The following FGGY variants were observed in gnomAD, a reference collection of about 807,000 sequenced individuals.
The protein encoded by FGGY is FGGY carbohydrate kinase domain-containing protein.
Under a neutral mutation model 71.3 loss-of-function variants are expected in FGGY, and 72 were observed. The ratio of observed to expected loss-of-function variants is 1.01; its 90% CI spans 0.84 to 1.23. FGGY has a LOEUF of 1.23. FGGY is among the 50% of genes most tolerant of loss of function. The pLI is 0.00. For synonymous variants in FGGY, 251 were observed against 250.3 expected (o/e 1.00, Z -0.02); for missense variants, 668 against 682.3 (o/e 0.98, Z 0.23).
intron 8 of FGGY, among the ~76,000 whole-genome samples, chr1:59,593,400 C>T (rs2096481568): frequency 6.6e-6 from 1 of 152,202 alleles, no homozygotes; most frequent in South Asian, 2.1e-4. Context: ...CCCTTCCACT[C>T]AGAGGTCTGA....
chr1:59,296,835 G>T (rs1201727150), upstream of FGGY: 1 of 152,476 alleles, frequency 6.6e-6, no homozygotes, highest in African/African-American at 2.4e-5. Context: ...CCCTGCTCAG[G>T]CGCCGTGGGG....
rs185522906 is a variant in FGGY, at chr1:59,325,306, G to A, written c.201+3556G>A. ...TGGGAGGCGGAGCTTGCAGTGAGCC[G>A]AGATTGCGCCATTGCACTCCAGCCT... is the stretch of plus-strand genomic sequence containing the variant. On this transcript the variant is annotated intron_variant, in intron 2 of 15. Transcript: ENST00000303721. Among the ~76,000 whole-genome samples, 350 of 152,246 alleles carry A rather than the reference G, an allele frequency of 2.3e-3. 2 individuals carry two copies. The highest frequency in any genetic ancestry group is 8.1e-3 in the African/African-American group (338 of 41,552).
At chr1:59,612,552 G>A (rs1011766644) in intron 9 of FGGY, among the ~76,000 whole-genome samples, 26 of 152,174 alleles carry the variant, frequency 1.7e-4, no homozygotes, top group Non-Finnish European at 2.9e-4. Flanking sequence ...ATGCCAAATT[G>A]TAAAGACCAT....
intron 7 of FGGY, among the ~76,000 whole-genome samples, chr1:59,521,426 G>A (rs1373319697): frequency 6.6e-6 from 1 of 152,170 alleles, no homozygotes; most frequent in Non-Finnish European, 1.5e-5. Context: ...CTCTGTGGAA[G>A]AAAACCGAGA....
intron 4 of FGGY, among the ~76,000 whole-genome samples, chr1:59,365,705 A>G (rs2056463725): frequency 6.6e-6 from 1 of 152,198 alleles, no homozygotes; most frequent in East Asian, 1.9e-4. Flanking sequence ...CTGCAAGCAT[A>G]GTTTTCTGAC....
At chr1:59,454,557 A>G (rs2091497408) in intron 5 of FGGY, among the ~76,000 whole-genome samples, 1 of 152,204 alleles carries the variant, frequency 6.6e-6, no homozygotes, top group South Asian at 2.1e-4. Context: ...ATCATTAATG[A>G]TAAGTGACAT....
intron 4 of FGGY, among the ~76,000 whole-genome samples, chr1:59,367,337 G>A (rs922260398): frequency 6.6e-6 from 1 of 152,278 alleles, no homozygotes; most frequent in Non-Finnish European, 1.5e-5. Context: ...TGAAGATTAC[G>A]TCTCTTCCTG....
intron 1 of FGGY, among the ~76,000 whole-genome samples, chr1:59,309,792 A>G (rs1051552742): frequency 2.0e-5 from 3 of 152,138 alleles, no homozygotes; most frequent in Admixed American, 6.5e-5. Context: ...TCTGAGCAAC[A>G]TGGCAAAACC....
At chr1:59,751,934 T>C (rs2098248683) in intron 14 of FGGY, among the ~76,000 whole-genome samples, 1 of 152,204 alleles carries the variant, frequency 6.6e-6, no homozygotes, top group South Asian at 2.1e-4. Context: ...ACCTGGAACA[T>C]GCAAACGACA....
rs1041826832 is a variant in FGGY at position 59,514,862 on chromosome 1, G to A, written c.799+2423G>A. 6.6e-4 allele frequency among the ~76,000 whole-genome samples: 101 copies of A among 152,180 alleles called. 1 individual carries two copies. Among genetic ancestry groups the A allele is most frequent in the African/African-American group, 2.2e-3 (93 of 41,500 alleles). The stretch of plus-strand genomic sequence containing the variant: ...TAAACCTCCTTTTCTTCCTTGTCTC[G>A]GGTATGTCTTTATCAGCAGCATAAA... On this transcript the variant is annotated intron_variant, in intron 7 of 15. Coordinates refer to ENST00000303721, the MANE Select transcript of FGGY (RefSeq NM_018291.5).
At chr1:59,547,601 G>A (rs2095546830) in intron 7 of FGGY, among the ~76,000 whole-genome samples, 1 of 152,246 alleles carries the variant, frequency 6.6e-6, no homozygotes, top group Admixed American at 6.5e-5. Context: ...TAACTACCTT[G>A]CAGTATCACT....
chr1:59,678,139 G>A (rs778849497), intron 14 of FGGY, among the ~76,000 whole-genome samples: 1 of 152,082 alleles, frequency 6.6e-6, no homozygotes. Context: ...TTATATCTGC[G>A]GTTTAATGAA....
At position 59,563,324 on chromosome 1, in the gene FGGY, T is replaced by C. The variant is rs548209475; in HGVS notation, c.903+9097T>C. ...AGCATGAAGGGGTGTTGAATTTTAT[T>C]GGAGGCCTTTTCTGCATCTATTGAG... is the stretch of plus-strand genomic sequence containing the variant. On this transcript the variant is annotated intron_variant, in intron 8 of 15. Coordinates refer to ENST00000303721, the MANE Select transcript of FGGY (RefSeq NM_018291.5). 6.5e-4 allele frequency among the ~76,000 whole-genome samples: 99 copies of C among 152,324 alleles called. 1 individual carries two copies. Among genetic ancestry groups the C allele is most frequent in the African/African-American group, 2.3e-3 (94 of 41,580 alleles).
At position 59,635,136 on chromosome 1, in the gene FGGY, T is replaced by A. The variant is rs960060975; in HGVS notation, c.1074-3092T>A. Among the ~76,000 whole-genome samples the A allele has an allele frequency of 2.0e-5, 3 of 152,310 alleles. No individual in the cohort carries two copies. In the South Asian group the frequency reaches 6.2e-4, roughly 32 times the overall value. On this transcript the variant is annotated intron_variant, in intron 10 of 15. Coordinates refer to ENST00000303721, the MANE Select transcript of FGGY (RefSeq NM_018291.5). ...CACAAAGTCAGAACCAAAAAAGGCA[T>A]CATGCAAGGTTAAAATTATGTGAAT...
At chr1:59,420,861 C>G (rs1288396714) in intron 5 of FGGY, among the ~76,000 whole-genome samples, 1 of 151,586 alleles carries the variant, frequency 6.6e-6, no homozygotes, top group Non-Finnish European at 1.5e-5. Flanking sequence ...CAAATTCACT[C>G]CCAAATGCCC....
intron 6 of FGGY, among the ~76,000 whole-genome samples, chr1:59,482,570 A>ATGTGTGTG (rs5774470): frequency 3.6e-4 from 53 of 148,042 alleles, no homozygotes; most frequent in African/African-American, 5.5e-4. Context: ...GTGTATATAT[A>ATGTGTGTG]TGTGTGTGTG....
intron 5 of FGGY, among the ~76,000 whole-genome samples, chr1:59,441,752 T>C (rs2069946213): frequency 3.9e-5 from 6 of 152,230 alleles, no homozygotes. Context: ...TAGTGAATGA[T>C]GGCTTCACCA....
At chr1:59,697,236 G>A (rs10889152) in intron 14 of FGGY, among the ~76,000 whole-genome samples, 124,283 of 152,124 alleles carry the variant, frequency 0.82, 51,257 homozygotes, top group Non-Finnish European at 0.88. Flanking sequence ...TTAAGTGTAC[G>A]GTTTGGTGGT....
intron 14 of FGGY, chr1:59,755,405 G>T (rs1341585778): frequency 6.6e-6 from 1 of 152,138 alleles, no homozygotes; most frequent in Admixed American, 6.5e-5. Context: ...TGGGGAGGCT[G>T]ATCTGTTAAC....
Sources: gnomAD v4.1 joint callset for allele counts (sites outside exome capture counted in the v4.1 genomes callset) on GRCh38, gnomAD v4.1.1 for gene constraint, MANE v1.5 for transcripts, NCBI Gene and HGNC (gene_info 2026-07-23, HGNC 2026-07-21) for gene names.